Variants in C8orf88 observed in about 807,000 individuals in gnomAD.
The protein encoded by C8orf88 is chromosome 8 open reading frame 88.
Under a neutral mutation model 18.4 loss-of-function variants are expected in C8orf88, and 14 were observed. That is an observed-to-expected ratio of 0.76 (90% CI 0.50 to 1.19). The LOEUF (loss-of-function observed/expected upper bound fraction) is 1.19, where lower values mean the gene tolerates loss of function less well. Among genes scored for constraint, C8orf88 ranks in the 50% most tolerant of loss-of-function variants. The probability of loss-of-function intolerance (pLI) is 0.00; values close to 1 mark genes in which losing one functional copy is unlikely to be tolerated. For missense variants in C8orf88, 116 were observed against 134.7 expected, an observed-to-expected ratio of 0.86 and a Z score of 0.69; for synonymous variants, 45 against 42.9, an observed-to-expected ratio of 1.05 and a Z score of -0.19.
intron 1 of C8orf88, among the ~76,000 whole-genome samples, chr8:90,982,809 T>TA (rs1432569885): frequency 6.6e-6 from 1 of 152,046 alleles, no homozygotes; most frequent in Admixed American, 6.6e-5. Context: ...ACTGACATTA[T>TA]AGGGGACAAG....
intron 2 of C8orf88, among the ~76,000 whole-genome samples, chr8:90,979,417 T>C (rs1811399541): frequency 6.6e-6 from 1 of 152,212 alleles, no homozygotes; most frequent in Admixed American, 6.5e-5. Context: ...ACCAGAAGTA[T>C]ACAGAATCAG....
At chr8:90,976,019 T>C (rs1461738680) in intron 3 of C8orf88, among the ~76,000 whole-genome samples, 4 of 151,374 alleles carry the variant, frequency 2.6e-5, no homozygotes, top group South Asian at 4.2e-4. Context: ...CCAAGGAATA[T>C]ACATGATATT....
At chr8:90,959,950 T>C (rs923370401) in intron 5 of C8orf88, among the ~76,000 whole-genome samples, 10 of 151,492 alleles carry the variant, frequency 6.6e-5, no homozygotes, top group African/African-American at 2.4e-4. Context: ...TACTCAGTAA[T>C]CTCATGCATT....
chr8:90,960,135 A>G (rs1229363850), intron 5 of C8orf88, among the ~76,000 whole-genome samples: 1 of 151,502 alleles, frequency 6.6e-6, no homozygotes, highest in African/African-American at 2.4e-5. Flanking sequence ...GTCCTTTCCA[A>G]TGAATATCCT....
Position 90,960,828 on chromosome 8 carries a change from C to G in C8orf88, c.244G>C (p.Asp82His), listed in dbSNP as rs1448501284. The change falls in exon 5 of 6, where the codon GAT (aspartate) becomes CAT (histidine). Residue 82 changes from aspartate (D) to histidine (H), a missense_variant. Asp to His is a moderately conservative substitution (Grantham distance 81). Coordinates refer to ENST00000517562, the MANE Select transcript of C8orf88 (RefSeq NM_001190972.2). Reference protein sequence around the residue: ...VKKERIKYSRDFLLKLSSVSI... With the variant: ...VKKERIKYSRHFLLKLSSVSI... ...ACACTTGAGAGCTTCAACAGGAAATCTCTGCTGTATTTAATTCTCTCTGTA... is the reference window on the plus strand; with the variant it reads ...ACACTTGAGAGCTTCAACAGGAAATGTCTGCTGTATTTAATTCTCTCTGTA... 1 of 1,528,284 alleles carries G rather than the reference C, an allele frequency of 6.5e-7. No homozygotes were observed. The highest frequency in any genetic ancestry group is 1.4e-5 in the African/African-American group (1 of 72,642). 94.7% of individuals were successfully genotyped at this position (1,528,284 alleles called of 1,614,324 possible). A position where few individuals can be genotyped will look rare whatever the true frequency, so the allele number is the denominator to read the frequency against.
chr8:90,972,884 C>CA (rs1039811042), intron 3 of C8orf88, among the ~76,000 whole-genome samples: 4 of 151,792 alleles, frequency 2.6e-5, no homozygotes, highest in South Asian at 2.1e-4. Flanking sequence ...GTATCTTACT[C>CA]AAAAAAAAGA....
At chr8:90,969,901 A>G (rs148385720) in intron 4 of C8orf88, among the ~76,000 whole-genome samples, 1 of 151,916 alleles carries the variant, frequency 6.6e-6, no homozygotes, top group African/African-American at 2.4e-5. Context: ...GTACTAAAGA[A>G]CAACTAGTCC....
rs530766077 is a variant in C8orf88 at position 90,970,915 on chromosome 8, AGTG to A, written c.223+148_223+150del. The A allele has an allele frequency of 1.5e-4, 69 of 459,574 alleles. No individual in the cohort carries two copies. The East Asian group carries it at 2.0e-3, about 14-fold the overall frequency. 28.5% of individuals were successfully genotyped at this position (459,574 alleles called of 1,614,324 possible). The stretch of plus-strand genomic sequence containing the variant: ...CTGGTCTCTCCTTGAAAGCAGTCAA[AGTG>A]GTAGCCTGACTCATATAGATAGAAA... On this transcript the variant is annotated intron_variant, in intron 4 of 5. Coordinates refer to ENST00000517562, the MANE Select transcript of C8orf88 (RefSeq NM_001190972.2).
At chr8:90,973,971 A>G (rs1316231859) in intron 3 of C8orf88, among the ~76,000 whole-genome samples, 6 of 152,160 alleles carry the variant, frequency 3.9e-5, no homozygotes, top group African/African-American at 1.4e-4. Flanking sequence ...AAAAAAAATT[A>G]CAATTCGTAT....
At chr8:90,973,938 TCAAAAGA>T (rs938304220) in intron 3 of C8orf88, among the ~76,000 whole-genome samples, 29 of 152,048 alleles carry the variant, frequency 1.9e-4, no homozygotes, top group African/African-American at 6.8e-4. Context: ...CTAGGCAATA[TCAAAAGA>T]CAAAAGGTAA....
At position 90,958,536 on chromosome 8, in the gene C8orf88, T is replaced by C. The variant is rs2130293515; in HGVS notation, c.*471A>G. 1 of 154,898 alleles carries C rather than the reference T, an allele frequency of 6.5e-6. No homozygotes were observed. Among genetic ancestry groups the C allele is most frequent in the South Asian group, 2.0e-4 (1 of 5,062 alleles). The allele number at this position is 154,898 out of a possible 1,614,324, so 9.6% of individuals were successfully genotyped here. On this transcript the variant is annotated 3_prime_UTR_variant, in exon 6 of 6. Coordinates refer to ENST00000517562, the MANE Select transcript of C8orf88 (RefSeq NM_001190972.2). ...AACATTCTGAATCATTCTAAGCCTC[T>C]GGAGAGACTGTAATGATCCATTCAT...
chr8:90,961,866 C>G (rs1811133487), intron 4 of C8orf88, among the ~76,000 whole-genome samples: 1 of 151,198 alleles, frequency 6.6e-6, no homozygotes, highest in African/African-American at 2.4e-5. Flanking sequence ...TACTGACCCC[C>G]TAAACATTAC....
At chr8:90,968,447 C>G (rs74753709) in intron 4 of C8orf88, among the ~76,000 whole-genome samples, 2,598 of 151,054 alleles carry the variant, frequency 0.017, 70 homozygotes, top group East Asian at 0.14. Flanking sequence ...GATAAAAGAC[C>G]TAAATGCCAG....
intron 1 of C8orf88, 33 bp from the exon 2 acceptor site, chr8:90,980,494 G>T: frequency 2.1e-6 from 2 of 969,426 alleles, no homozygotes; most frequent in South Asian, 1.6e-5. Context: ...TTTATCTTTT[G>T]GACAAAATAA....
At chr8:90,961,814 T>G (rs1811132589) in intron 4 of C8orf88, among the ~76,000 whole-genome samples, 1 of 151,546 alleles carries the variant, frequency 6.6e-6, no homozygotes, top group Non-Finnish European at 1.5e-5. Context: ...TTTCAATACA[T>G]TTTTATTTAT....
At chr8:90,977,142 A>G (rs1331471701) in intron 3 of C8orf88, among the ~76,000 whole-genome samples, 10 of 152,166 alleles carry the variant, frequency 6.6e-5, no homozygotes, top group African/African-American at 1.2e-4. Flanking sequence ...GCAATTCACA[A>G]AAGAGGAGAT....
At chr8:90,963,746 C>CAAT (rs1381143489) in intron 4 of C8orf88, among the ~76,000 whole-genome samples, 1 of 151,178 alleles carries the variant, frequency 6.6e-6, no homozygotes, top group African/African-American at 2.4e-5. Flanking sequence ...AAAAGGAATT[C>CAAT]AATTAACATT....
chr8:90,975,485 T>A (rs1367196921), intron 3 of C8orf88, among the ~76,000 whole-genome samples: 1 of 151,768 alleles, frequency 6.6e-6, no homozygotes, highest in Non-Finnish European at 1.5e-5. Flanking sequence ...TCAAAAAAAA[T>A]TTTTTTAAAG....
At chr8:90,965,296 C>T (rs1446018851) in intron 4 of C8orf88, among the ~76,000 whole-genome samples, 1 of 151,580 alleles carries the variant, frequency 6.6e-6, no homozygotes, top group Non-Finnish European at 1.5e-5. Context: ...ACATTTATGC[C>T]ATGATAAAAG....
Sources: allele counts gnomAD v4.1 joint callset (sites outside exome capture counted in the v4.1 genomes callset), GRCh38; gene constraint gnomAD v4.1.1; transcripts MANE v1.5; gene names NCBI Gene and HGNC (gene_info 2026-07-23, HGNC 2026-07-21).